DLGAP2: variants seen among roughly 807,000 people sequenced by gnomAD.
The protein encoded by DLGAP2 is disks large-associated protein 2.
A neutral mutation model predicts 100.3 loss-of-function variants in DLGAP2; 26 were observed. That is an observed-to-expected ratio of 0.26 (90% CI 0.19 to 0.36). DLGAP2 has a LOEUF of 0.36. DLGAP2 is among the 10% of genes least tolerant of loss of function. DLGAP2 has a pLI of 1.00. For synonymous variants in DLGAP2, 886 were observed against 630.1 expected (o/e 1.41, Z -6.08); for missense variants, 1,858 against 1,453.2 (o/e 1.28, Z -4.53).
intron 3 of DLGAP2, among the ~76,000 whole-genome samples, chr8:1,417,118 GTTCA>G (rs78826954): frequency 0.04 from 3,356 of 82,882 alleles, no homozygotes; most frequent in East Asian, 0.066. Context: ...GGAGACCCCC[GTTCA>G]TTCATTTAGC....
At chr8:1,662,210 T>C (rs1392949183) in intron 8 of DLGAP2, among the ~76,000 whole-genome samples, 2 of 152,254 alleles carry the variant, frequency 1.3e-5, no homozygotes, top group South Asian at 4.1e-4. Flanking sequence ...ATAATTTTCA[T>C]TGATTTGGTA....
intron 2 of DLGAP2, among the ~76,000 whole-genome samples, chr8:968,197 A>T (rs1372453042): frequency 6.6e-6 from 1 of 152,102 alleles, no homozygotes; most frequent in African/African-American, 2.4e-5. Context: ...TTTACTGAAT[A>T]CAAGCCACAT....
At chr8:1,247,307 G>C (rs1798932529) in intron 2 of DLGAP2, among the ~76,000 whole-genome samples, 2 of 32,568 alleles carry the variant, frequency 6.1e-5, no homozygotes, top group Non-Finnish European at 1.7e-4. Flanking sequence ...AGACCATTGA[G>C]ATCAGTGTGG....
chr8:1,351,596 C>G (rs1474470660), intron 3 of DLGAP2, among the ~76,000 whole-genome samples: 81 of 30,310 alleles, frequency 2.7e-3, no homozygotes, highest in East Asian at 3.8e-3. Context: ...AGGACGTGCG[C>G]GTCCTGCGTG....
intron 2 of DLGAP2, among the ~76,000 whole-genome samples, chr8:1,147,473 T>C (rs2129051178): frequency 6.6e-6 from 1 of 152,258 alleles, no homozygotes; most frequent in Non-Finnish European, 1.5e-5. Context: ...CTTTTGAAAT[T>C]CATAAATTGA....
intron 1 of DLGAP2, among the ~76,000 whole-genome samples, chr8:782,723 T>A (rs1821731171): frequency 6.6e-6 from 1 of 152,188 alleles, no homozygotes. Context: ...CCTTTTGCAC[T>A]CTTTCTTTAC....
intron 2 of DLGAP2, among the ~76,000 whole-genome samples, chr8:1,068,051 A>G (rs1312300672): frequency 6.6e-6 from 1 of 152,176 alleles, no homozygotes; most frequent in East Asian, 1.9e-4. Context: ...TTTGATGGGA[A>G]CCACAGTGCA....
At chr8:1,334,179 C>G (rs550873572) in intron 3 of DLGAP2, among the ~76,000 whole-genome samples, 2 of 152,334 alleles carry the variant, frequency 1.3e-5, no homozygotes, top group East Asian at 3.9e-4. Context: ...GATGGGCTGC[C>G]TTGAAAGCAA....
At chr8:1,416,767 G>A (rs1317214318) in intron 3 of DLGAP2, among the ~76,000 whole-genome samples, 1 of 152,198 alleles carries the variant, frequency 6.6e-6, no homozygotes, top group Non-Finnish European at 1.5e-5. Flanking sequence ...TGCTTAAGAG[G>A]AGAGCCTGGG....
chr8:1,350,228 G>GCA (rs1801678891), intron 3 of DLGAP2, among the ~76,000 whole-genome samples: 2 of 104,798 alleles, frequency 1.9e-5, no homozygotes, highest in Non-Finnish European at 4.0e-5. Context: ...CGGGTCCTGA[G>GCA]TGTGCGTGGA....
At chr8:852,352 A>T (rs1362405320) in intron 1 of DLGAP2, among the ~76,000 whole-genome samples, 1 of 152,126 alleles carries the variant, frequency 6.6e-6, no homozygotes, top group African/African-American at 2.4e-5. Flanking sequence ...TCCTGTTTGA[A>T]ATCTGAGATT....
At chr8:1,040,500 C>T (rs1338177075) in intron 2 of DLGAP2, among the ~76,000 whole-genome samples, 8 of 147,506 alleles carry the variant, frequency 5.4e-5, no homozygotes, top group East Asian at 2.0e-4. Flanking sequence ...GTGGTCGTCT[C>T]GGTGTGCGTG....
At chr8:1,387,038 G>A (rs1796236790) in intron 3 of DLGAP2, among the ~76,000 whole-genome samples, 1 of 152,144 alleles carries the variant, frequency 6.6e-6, no homozygotes, top group South Asian at 2.1e-4. Context: ...CGTCATATTG[G>A]TAAGCCAGAA....
At chr8:1,607,367 G>C (rs574176121) in intron 6 of DLGAP2, among the ~76,000 whole-genome samples, 2 of 152,286 alleles carry the variant, frequency 1.3e-5, no homozygotes, top group African/African-American at 2.4e-5. Flanking sequence ...CAAATGATTG[G>C]AGGATTTCCA....
At chr8:767,348 G>GTT (rs35944301) in intron 1 of DLGAP2, among the ~76,000 whole-genome samples, 2,734 of 117,848 alleles carry the variant, frequency 0.023, 122 homozygotes, top group African/African-American at 0.044. Flanking sequence ...GCTGTTGACT[G>GTT]TTTTTTTTTT....
At chr8:815,969 T>C (rs1796468770) in intron 1 of DLGAP2, among the ~76,000 whole-genome samples, 1 of 152,228 alleles carries the variant, frequency 6.6e-6, no homozygotes, top group African/African-American at 2.4e-5. Context: ...AATGCCCATC[T>C]TTGTCTTTTT....
At chr8:1,239,344 CGTGTCT>C (rs1798731269) in intron 2 of DLGAP2, among the ~76,000 whole-genome samples, 1 of 18,428 alleles carries the variant, frequency 5.4e-5, no homozygotes. Context: ...CACATGGGGC[CGTGTCT>C]AGTTCTCTCA....
intron 1 of DLGAP2, among the ~76,000 whole-genome samples, chr8:741,961 G>A (rs1291666091): frequency 6.6e-6 from 1 of 152,240 alleles, no homozygotes; most frequent in Admixed American, 6.5e-5. Context: ...TTCCTCATCT[G>A]TCTGTGGAGG....
intron 5 of DLGAP2, among the ~76,000 whole-genome samples, chr8:1,561,049 G>A (rs1802140606): frequency 6.6e-6 from 1 of 152,158 alleles, no homozygotes; most frequent in African/African-American, 2.4e-5. Context: ...ACTGAATCAT[G>A]GGGTGGGTCT....
Sources: gnomAD v4.1 joint callset for allele counts (sites outside exome capture counted in the v4.1 genomes callset) on GRCh38, gnomAD v4.1.1 for gene constraint, MANE v1.5 for transcripts, NCBI Gene and HGNC (gene_info 2026-07-23, HGNC 2026-07-21) for gene names.